The following SYT13 variants were observed in gnomAD, a reference collection of about 807,000 sequenced individuals.
SYT13 encodes the protein synaptotagmin-13.
Under a neutral mutation model 38.6 loss-of-function variants are expected in SYT13, and 21 were observed. The ratio of observed to expected loss-of-function variants is 0.54; its 90% confidence interval spans 0.39 to 0.78. The LOEUF (loss-of-function observed/expected upper bound fraction) is 0.78, where lower values mean the gene tolerates loss of function less well. SYT13 is among the 30% of genes least tolerant of loss of function. SYT13 has a pLI of 0.00. For missense variants in SYT13, 495 were observed against 548.7 expected (o/e 0.90, Z 0.98); for synonymous variants, 241 against 237.6 (o/e 1.01, Z -0.13).
intron 2 of SYT13, among the ~76,000 whole-genome samples, chr11:45,254,908 AT>A (rs1192060906): frequency 4.6e-5 from 7 of 152,010 alleles, no homozygotes; most frequent in Admixed American, 3.9e-4. Flanking sequence ...GAGCCCAGGA[AT>A]TTGAGACCAG....
intron 1 of SYT13, among the ~76,000 whole-genome samples, chr11:45,272,715 A>G (rs1456776733): frequency 6.6e-6 from 1 of 152,224 alleles, no homozygotes. Flanking sequence ...ATTACTATAA[A>G]TGAGAACTAT....
Position 45,255,731 on chromosome 11 carries a change from T to G in SYT13, c.344A>C (p.Gln115Pro). ...TEEPTAPASPQPPNDSRLKRQ... is the reference protein window; with the variant it reads ...TEEPTAPASPPPPNDSRLKRQ... ...CTTGAGGCGACTGTCATTCGGGGGT[T>G]GGGGGCTGGCAGGTGCAGTGGGCTC... Residue 115 changes from glutamine (Q) to proline (P), a missense_variant, in exon 2 of 6, where the codon CAA (glutamine) becomes CCA (proline). Coordinates refer to ENST00000020926, the MANE Select transcript of SYT13 (RefSeq NM_020826.3). 6.2e-7 allele frequency: 1 copy of G among 1,614,000 alleles called. No individual in the cohort carries two copies. Among genetic ancestry groups the G allele is most frequent in the East Asian group, 2.2e-5 (1 of 44,866 alleles).
chr11:45,281,542 C>A (rs916636537), intron 1 of SYT13, among the ~76,000 whole-genome samples: 7 of 152,072 alleles, frequency 4.6e-5, no homozygotes, highest in African/African-American at 1.7e-4. Context: ...TGGTGCACAC[C>A]TATAATCTCA....
intron 5 of SYT13, among the ~76,000 whole-genome samples, chr11:45,245,747 G>A (rs2135884345): frequency 6.6e-6 from 1 of 152,354 alleles, no homozygotes; most frequent in Middle Eastern, 3.4e-3. Context: ...CTTCCAGGGT[G>A]TTGCAGAAAA....
Position 45,240,679 on chromosome 11 carries a change from G to C in SYT13, c.*3373C>G, listed in dbSNP as rs972445951. On this transcript the variant is annotated 3_prime_UTR_variant, in exon 6 of 6. Transcript: ENST00000020926. ...TTAATCAATAAGTGCTCAACAAATA[G>C]ATATTGATTTGGTGCAAGAGGTGGA... 4.6e-5 allele frequency: 7 copies of C among 152,240 alleles called. No individual in the cohort carries two copies. The highest frequency in any genetic ancestry group is 1.4e-4 in the African/African-American group (6 of 41,456). 9.4% of individuals were successfully genotyped at this position (152,240 alleles called of 1,614,324 possible). A position where few individuals can be genotyped will look rare whatever the true frequency, so the allele number is the denominator to read the frequency against.
intron 1 of SYT13, among the ~76,000 whole-genome samples, chr11:45,262,650 C>T (rs910359114): frequency 1.3e-5 from 2 of 151,386 alleles, no homozygotes; most frequent in African/African-American, 2.4e-5. Flanking sequence ...CACTTGAACC[C>T]GGGAGGTGAA....
At chr11:45,250,431 C>G (rs534961289) in intron 4 of SYT13, among the ~76,000 whole-genome samples, 33 of 152,332 alleles carry the variant, frequency 2.2e-4, no homozygotes, top group Admixed American at 2.0e-3. Flanking sequence ...ATGATGGCTG[C>G]TCTTCTAGAG....
chr11:45,252,855 T>G lies in SYT13; in HGVS notation c.545-133A>C. On this transcript the variant is annotated intron_variant, in intron 3 of 5. Transcript: ENST00000020926. This position sits in a 1 kb window ranked among gnomAD's most constrained non-coding sequence, Gnocchi z 4.3. ...TGGGTGTCAGAAAGGCTGACCACCC[T>G]GGGCACCAGGGAATCGCCTTTCAGT... 1.1e-6 allele frequency: 1 copy of G among 893,912 alleles called. No homozygotes were observed. Among genetic ancestry groups the G allele is most frequent in the South Asian group, 2.7e-5 (1 of 36,620 alleles). 55.4% of individuals were successfully genotyped at this position (893,912 alleles called of 1,614,324 possible). A position where few individuals can be genotyped will look rare whatever the true frequency, so the allele number is the denominator to read the frequency against.
rs761107176 is a variant in SYT13, at chr11:45,286,107, T to G, written c.101A>C (p.His34Pro). The G allele has an allele frequency of 4.5e-5, 72 of 1,604,234 alleles. No individual in the cohort carries two copies. The highest frequency in any genetic ancestry group is 6.0e-5 in the Non-Finnish European group (71 of 1,177,442). The change falls in exon 1 of 6, where the codon CAC becomes CCC. Residue 34 changes from histidine to proline, a missense_variant. By Grantham distance (77) the His-to-Pro change is moderately conservative. Coordinates refer to ENST00000020926, the MANE Select transcript of SYT13 (RefSeq NM_020826.3). ...CCGCGGCAGCAGCCCCTTCTTGGGG[T>G]GCATGTGCCGACACAGGCAGGTGAC... is the stretch of plus-strand genomic sequence containing the variant. ...CGVTCLCRHM[H>P]PKKGLLPRDQ...
chr11:45,249,061 A>G (rs1199295642), intron 4 of SYT13, among the ~76,000 whole-genome samples: 4 of 152,256 alleles, frequency 2.6e-5, no homozygotes, highest in Non-Finnish European at 5.9e-5. Context: ...CAAGAAAAAA[A>G]ACAAACAGCC....
intron 1 of SYT13, among the ~76,000 whole-genome samples, chr11:45,270,509 C>A (rs1395768845): frequency 1.3e-5 from 2 of 152,162 alleles, no homozygotes; most frequent in South Asian, 2.1e-4. Context: ...CTGCTATAAC[C>A]ATTATTGTGC....
intron 1 of SYT13, among the ~76,000 whole-genome samples, chr11:45,264,988 C>T (rs1199745111): frequency 6.6e-6 from 1 of 152,268 alleles, no homozygotes; most frequent in Middle Eastern, 3.4e-3. Flanking sequence ...TCCACTCCCA[C>T]GTATTTATCC....
At chr11:45,251,718 G>C (rs1194352138) in intron 4 of SYT13, among the ~76,000 whole-genome samples, 1 of 152,074 alleles carries the variant, frequency 6.6e-6, no homozygotes, top group African/African-American at 2.4e-5. Flanking sequence ...CTCCCCAAGG[G>C]TCCCCTCTCT....
At chr11:45,244,810 T>C (rs1055121444) in intron 5 of SYT13, among the ~76,000 whole-genome samples, 3 of 152,162 alleles carry the variant, frequency 2.0e-5, no homozygotes, top group African/African-American at 7.2e-5. Flanking sequence ...GCCAATACCA[T>C]GATATAGAAG....
rs114502899 is a variant in SYT13 at position 45,252,092 on chromosome 11, C to T, written c.846+329G>A. ...CAGTGTCTGCCACATCGTAGGAGCA[C>T]ACAGAGTATAACTGGATTGAAATGG... On this transcript the variant is annotated intron_variant, in intron 4 of 5. Transcript: ENST00000020926. This position sits in a 1 kb window ranked among gnomAD's most constrained non-coding sequence, Gnocchi z 4.3. 3.8e-3 allele frequency among the ~76,000 whole-genome samples: 576 copies of T among 152,344 alleles called. 10 individuals are homozygous for T. Among genetic ancestry groups the T allele is most frequent in the African/African-American group, 0.014 (562 of 41,578 alleles).
At position 45,255,569 on chromosome 11, in the gene SYT13, C is replaced by T. The variant is rs188323837; in HGVS notation, c.409+97G>A. 4,756 of 1,203,468 alleles carry T rather than the reference C, an allele frequency of 4.0e-3. 12 individuals are homozygous for T. Among genetic ancestry groups the T allele is most frequent in the Non-Finnish European group, 4.5e-3 (3,849 of 862,062 alleles). The allele number at this position is 1,203,468 out of a possible 1,614,324, so 74.5% of individuals were successfully genotyped here. ...GGCCAGCGTCAAATGCCGGGGCACT[C>T]GGCCTCCTCATCAGGCCACACACAG... On this transcript the variant is annotated intron_variant, in intron 2 of 5. Coordinates refer to ENST00000020926, the MANE Select transcript of SYT13 (RefSeq NM_020826.3).
chr11:45,260,483 C>T (rs900567103), intron 1 of SYT13, among the ~76,000 whole-genome samples: 6 of 152,150 alleles, frequency 3.9e-5, no homozygotes, highest in African/African-American at 1.4e-4. Flanking sequence ...ACAAGAATGT[C>T]TGGGGGAAGG....
chr11:45,258,741 AAG>A (rs1164498969), intron 1 of SYT13, among the ~76,000 whole-genome samples: 15 of 152,070 alleles, frequency 9.9e-5, no homozygotes, highest in African/African-American at 3.6e-4. Context: ...GAGACCTTGA[AAG>A]AGAGGGGGAT....
chr11:45,276,640 T>G lies in SYT13; in HGVS notation c.183+9385A>C, dbSNP rs186160983. 8.7e-3 allele frequency among the ~76,000 whole-genome samples: 1,317 copies of G among 151,314 alleles called. 22 individuals are homozygous for G. Among genetic ancestry groups the G allele is most frequent in the African/African-American group, 0.03 (1,248 of 41,032 alleles). On this transcript the variant is annotated intron_variant, in intron 1 of 5. Coordinates refer to ENST00000020926, the MANE Select transcript of SYT13 (RefSeq NM_020826.3). ...TATTTTAAAAGTGAGAATTTGGGGT[T>G]TTTTTTTAGATATTAAAAGCTCAGA...
Sources: gnomAD v4.1 joint callset for allele counts (sites outside exome capture counted in the v4.1 genomes callset) on GRCh38, gnomAD v4.1.1 for gene constraint, Gnocchi (gnomAD v3.1) non-coding constraint, MANE v1.5 for transcripts, NCBI Gene and HGNC (gene_info 2026-07-23, HGNC 2026-07-21) for gene names.